ZNF385D: variants seen among roughly 807,000 people sequenced by gnomAD.
The protein encoded by ZNF385D is zinc finger protein 385D.
In ZNF385D, 15 loss-of-function variants were observed where a neutral mutation model predicts 35.8. That is an observed-to-expected ratio of 0.42 (90% confidence interval 0.28 to 0.64). The LOEUF (loss-of-function observed/expected upper bound fraction) is 0.64, where lower values mean the gene tolerates loss of function less well. Ranked by LOEUF, ZNF385D falls within the 30% of genes least tolerant of loss-of-function variation. The probability of loss-of-function intolerance (pLI) is 0.23; values close to 1 mark genes in which losing one functional copy is unlikely to be tolerated. For synonymous variants in ZNF385D, 212 were observed against 186.8 expected, an observed-to-expected ratio of 1.13 and a Z score of -1.10; for missense variants, 474 against 494.6, an observed-to-expected ratio of 0.96 and a Z score of 0.39.
intron 2 of ZNF385D, among the ~76,000 whole-genome samples, chr3:22,319,612 T>C (rs1157865547): frequency 2.0e-5 from 3 of 152,184 alleles, no homozygotes; most frequent in African/African-American, 4.8e-5. Context: ...GATTTCCCTA[T>C]AGTTCATGGG....
At chr3:21,757,887 C>G (rs995809208) in intron 3 of ZNF385D, among the ~76,000 whole-genome samples, 2 of 152,148 alleles carry the variant, frequency 1.3e-5, no homozygotes, top group Non-Finnish European at 2.9e-5. Flanking sequence ...CAGATGGTGT[C>G]TGAAACATAG....
At chr3:21,949,846 C>T (rs1352425327) in intron 3 of ZNF385D, among the ~76,000 whole-genome samples, 6 of 152,020 alleles carry the variant, frequency 3.9e-5, no homozygotes, top group Admixed American at 3.9e-4. Flanking sequence ...TGAGAATGAC[C>T]ATTTCCAGCT....
At chr3:22,268,029 T>G (rs1700983093) in intron 2 of ZNF385D, among the ~76,000 whole-genome samples, 1 of 152,092 alleles carries the variant, frequency 6.6e-6, no homozygotes, top group South Asian at 2.1e-4. Flanking sequence ...TTTTGCAAAG[T>G]AAGTATGCAC....
At chr3:22,140,659 G>A (rs1284068103) in intron 3 of ZNF385D, among the ~76,000 whole-genome samples, 1 of 152,198 alleles carries the variant, frequency 6.6e-6, no homozygotes, top group Non-Finnish European at 1.5e-5. Flanking sequence ...AAAGCTGAGT[G>A]AAGGGTACAT....
chr3:21,521,982 G>A (rs1024654702), intron 3 of ZNF385D, among the ~76,000 whole-genome samples: 1 of 151,996 alleles, frequency 6.6e-6, no homozygotes, highest in Non-Finnish European at 1.5e-5. Context: ...TGGCTTCTTG[G>A]GATAGAATAG....
At chr3:21,826,615 G>T (rs1180429804) in intron 3 of ZNF385D, among the ~76,000 whole-genome samples, 1 of 152,120 alleles carries the variant, frequency 6.6e-6, no homozygotes, top group Admixed American at 6.5e-5. Context: ...AAGAAGCAAG[G>T]ATGTGGTCAG....
intron 3 of ZNF385D, among the ~76,000 whole-genome samples, chr3:21,967,512 A>G (rs1363356625): frequency 1.3e-5 from 2 of 152,236 alleles, no homozygotes; most frequent in African/African-American, 4.8e-5. Context: ...AGCTGCTAAA[A>G]CAGCTGGTCC....
chr3:21,496,555 C>CAT (rs199878493), intron 4 of ZNF385D, among the ~76,000 whole-genome samples: 35 of 130,704 alleles, frequency 2.7e-4, no homozygotes, highest in African/African-American at 9.4e-4. Context: ...TATATACACA[C>CAT]ATATATTTGA....
rs748095308 is a variant in ZNF385D, at chr3:21,651,519, TTTTC to T, written c.165+13363_165+13366del. 7.9e-5 allele frequency among the ~76,000 whole-genome samples: 12 copies of T among 152,152 alleles called. No homozygotes were observed. The East Asian group carries it at 9.7e-4, about 12-fold the overall frequency. ...TAGGCACAGCAATGTGGTATTTTTT[TTTTC>T]TTTCTCTTTTTTTTTTTCTTTTTGG... On this transcript the variant is annotated intron_variant, in intron 2 of 7. Transcript: ENST00000281523.
chr3:21,660,130 CCT>C (rs1269108561), intron 2 of ZNF385D, among the ~76,000 whole-genome samples: 2 of 151,868 alleles, frequency 1.3e-5, no homozygotes, highest in Non-Finnish European at 2.9e-5. Flanking sequence ...TCTTTATCCC[CCT>C]CTCTTCCCCA....
At chr3:21,946,448 T>C (rs641518) in intron 3 of ZNF385D, among the ~76,000 whole-genome samples, 39,539 of 152,066 alleles carry the variant, frequency 0.26, 5,834 homozygotes, top group Admixed American at 0.41. Context: ...GATAAAAAGT[T>C]TTTGAAGTTT....
intron 1 of ZNF385D, among the ~76,000 whole-genome samples, chr3:21,729,931 G>A (rs1315701649): frequency 6.6e-6 from 1 of 152,124 alleles, no homozygotes; most frequent in Non-Finnish European, 1.5e-5. Context: ...ACAATGCACG[G>A]ACTTCATTCA....
chr3:21,980,221 T>C (rs1472566005), intron 3 of ZNF385D, among the ~76,000 whole-genome samples: 2 of 152,122 alleles, frequency 1.3e-5, no homozygotes, highest in Non-Finnish European at 2.9e-5. Context: ...TGTAAGTAGA[T>C]CCTCCAGCCC....
intron 3 of ZNF385D, among the ~76,000 whole-genome samples, chr3:22,045,157 A>G (rs1329932988): frequency 6.6e-6 from 1 of 151,790 alleles, no homozygotes; most frequent in African/African-American, 2.4e-5. Context: ...CTTTTGGGTC[A>G]TATTAAAAAA....
intron 3 of ZNF385D, among the ~76,000 whole-genome samples, chr3:21,541,853 CTTTAAG>C: frequency 6.6e-6 from 1 of 152,220 alleles, no homozygotes; most frequent in Non-Finnish European, 1.5e-5. Context: ...CCTACTAATA[CTTTAAG>C]AAGTGTATAC....
At chr3:21,815,960 G>A (rs1291056088) in intron 3 of ZNF385D, among the ~76,000 whole-genome samples, 1 of 152,158 alleles carries the variant, frequency 6.6e-6, no homozygotes, top group African/African-American at 2.4e-5. Context: ...GAATCCAGTA[G>A]CACATTAAAA....
At chr3:21,850,165 T>TA (rs79575463) in intron 3 of ZNF385D, among the ~76,000 whole-genome samples, 139,743 of 152,130 alleles carry the variant, frequency 0.92, 64,459 homozygotes, top group East Asian at 1. Context: ...ATAATAGATA[T>TA]AAAAATGTAT....
intron 3 of ZNF385D, among the ~76,000 whole-genome samples, chr3:22,155,589 C>A (rs897222783): frequency 3.3e-5 from 5 of 151,980 alleles, no homozygotes; most frequent in African/African-American, 1.2e-4. Flanking sequence ...ATCTACTGAG[C>A]ACACATAACA....
chr3:21,780,898 G>A (rs955033319), intron 3 of ZNF385D, among the ~76,000 whole-genome samples: 3 of 152,136 alleles, frequency 2.0e-5, no homozygotes, highest in Middle Eastern at 3.4e-3. Flanking sequence ...ATTTAGTAGC[G>A]CCAGCCAAGT....
Sources: gnomAD v4.1 joint callset for allele counts (sites outside exome capture counted in the v4.1 genomes callset) on GRCh38, gnomAD v4.1.1 for gene constraint, MANE v1.5 for transcripts, NCBI Gene and HGNC (gene_info 2026-07-23, HGNC 2026-07-21) for gene names.